The following TFEB variants were observed in gnomAD, a reference collection of about 807,000 sequenced individuals.
TFEB encodes the protein transcription factor EB, also known as T-cell transcription factor EB.
TFEB carries 12 observed loss-of-function variants against 48.0 expected under a neutral mutation model. The observed-to-expected ratio is 0.25, with a 90% CI of 0.16 to 0.40. The LOEUF (loss-of-function observed/expected upper bound fraction) is 0.40. TFEB is among the 10% of genes least tolerant of loss of function. The probability of loss-of-function intolerance (pLI) is 1.00; values close to 1 mark genes in which losing one functional copy is unlikely to be tolerated. For missense variants in TFEB, 509 were observed against 640.3 expected, an observed-to-expected ratio of 0.79 and a Z score of 2.21; for synonymous variants, 244 against 261.4, an observed-to-expected ratio of 0.93 and a Z score of 0.64.
At chr6:41,711,681 A>G (rs1770482824) in intron 1 of TFEB, among the ~76,000 whole-genome samples, 1 of 152,140 alleles carries the variant, frequency 6.6e-6, no homozygotes, top group Non-Finnish European at 1.5e-5. Flanking sequence ...AGAAGGGAGG[A>G]GCCCTTCAGC....
At chr6:41,715,419 T>C (rs1770692241) in intron 1 of TFEB, among the ~76,000 whole-genome samples, 1 of 152,124 alleles carries the variant, frequency 6.6e-6, no homozygotes, top group African/African-American at 2.4e-5. Flanking sequence ...CCTGTCATCC[T>C]AGCACTTTGG....
At position 41,723,347 on chromosome 6, in the gene TFEB, G is replaced by A. The variant is rs546623503; in HGVS notation, c.-23+12003C>T. The A allele has an allele frequency of 2.9e-4, 160 of 559,602 alleles. No individual in the cohort carries two copies. The highest frequency in any genetic ancestry group is 2.2e-3 in the South Asian group (141 of 63,944). The allele number at this position is 559,602 out of a possible 1,614,324, so 34.7% of individuals were successfully genotyped here. A position where few individuals can be genotyped will look rare whatever the true frequency, so the allele number is the denominator to read the frequency against. On this transcript the variant is annotated intron_variant, in intron 1 of 8. Transcript: ENST00000373033. The surrounding 1 kb of genome is among the most constrained non-coding windows in gnomAD (Gnocchi z 6.0). ...ACCCACCTCCCCAAAGACACCACAC[G>A]CATGCACATACACTCACACAGATGC...
At position 41,684,439 on chromosome 6, in the gene TFEB, C is replaced by A. The variant is rs1204961633; in HGVS notation, c.*160G>T. ...GTGCTTCTCCTGACCCCACAGGCTG[C>A]CAGACAGGCACTAAGTCCAAACAGG... is the stretch of plus-strand genomic sequence containing the variant. On this transcript the variant is annotated 3_prime_UTR_variant, in exon 9 of 9. Coordinates refer to ENST00000373033, the MANE Select transcript of TFEB (RefSeq NM_001271944.2). The A allele has an allele frequency of 1.1e-6, 1 of 908,674 alleles. No individual in the cohort carries two copies. Among genetic ancestry groups the A allele is most frequent in the Non-Finnish European group, 1.5e-6 (1 of 658,254 alleles). 56.3% of individuals were successfully genotyped at this position (908,674 alleles called of 1,614,324 possible).
chr6:41,691,117 A>G lies in TFEB; in HGVS notation c.97T>C (p.Tyr33His). 1 of 1,585,218 alleles carries G rather than the reference A, an allele frequency of 6.3e-7. No homozygotes were observed. ...ERMQQQAVMHYMQQQQQQQQQ... is the reference protein window; with the variant it reads ...ERMQQQAVMHHMQQQQQQQQQ... The stretch of plus-strand genomic sequence containing the variant: ...TGCTGCTGCTGCTGCTGCTGCATGT[A>G]ATGCATGACAGCCTGTTGCTGCATG... Residue 33 changes from tyrosine to histidine, a missense_variant, in exon 2 of 9, where the codon TAC becomes CAC. Around this residue, in one of 4 missense-constraint regions of TFEB, gnomAD observed 251 missense variants for 317.2 expected, o/e 0.79. Coordinates refer to ENST00000373033, the MANE Select transcript of TFEB (RefSeq NM_001271944.2). The surrounding 1 kb of genome is among the most constrained non-coding windows in gnomAD (Gnocchi z 5.2).
intron 1 of TFEB, among the ~76,000 whole-genome samples, chr6:41,710,080 C>T (rs78266392): frequency 0.012 from 1,772 of 152,272 alleles, 33 homozygotes; most frequent in African/African-American, 0.04. Context: ...AATTTATAAA[C>T]GAGAAAATAA....
intron 1 of TFEB, among the ~76,000 whole-genome samples, chr6:41,711,218 A>G (rs549932825): frequency 7.2e-5 from 11 of 152,186 alleles, no homozygotes; most frequent in Non-Finnish European, 1.3e-4. Context: ...TCATTTTACA[A>G]ATGAGAAACA....
Position 41,734,801 on chromosome 6 carries a change from G to C in TFEB, c.-23+549C>G. 1.4e-6 allele frequency: 1 copy of C among 703,318 alleles called. No homozygotes were observed. The highest frequency in any genetic ancestry group is 1.7e-6 in the Non-Finnish European group (1 of 572,678). The allele number at this position is 703,318 out of a possible 1,614,324, so 43.6% of individuals were successfully genotyped here. A position where few individuals can be genotyped will look rare whatever the true frequency, so the allele number is the denominator to read the frequency against. Reference sequence around the variant, plus strand: ...GGAGGGAGAGATGGTACTTCCACCCGCCCCCCCATCAGCCCAGCCCCCGGG... The same window carrying C: ...GGAGGGAGAGATGGTACTTCCACCCCCCCCCCCATCAGCCCAGCCCCCGGG... On this transcript the variant is annotated intron_variant, in intron 1 of 8. Coordinates refer to ENST00000373033, the MANE Select transcript of TFEB (RefSeq NM_001271944.2). This position sits in a 1 kb window ranked among gnomAD's most constrained non-coding sequence, Gnocchi z 4.0.
intron 1 of TFEB, among the ~76,000 whole-genome samples, chr6:41,709,356 C>T (rs72865446): frequency 9.4e-4 from 143 of 152,326 alleles, no homozygotes; most frequent in Admixed American, 1.2e-3. Flanking sequence ...GGACAATATC[C>T]ACCCTGGAGA....
rs760706046 is a variant in TFEB, at chr6:41,690,853, C to T, written c.278G>A (p.Arg93Gln). The T allele has an allele frequency of 6.2e-6, 10 of 1,611,078 alleles. No individual in the cohort carries two copies. Among genetic ancestry groups the T allele is most frequent in the Middle Eastern group, 3.3e-4 (2 of 6,076 alleles). The change falls in exon 3 of 9, where the codon CGG (arginine) becomes CAG (glutamine). Residue 93 changes from arginine (R) to glutamine (Q), a missense_variant. Arg to Gln is a conservative substitution (Grantham distance 43, BLOSUM62 1). Coordinates refer to ENST00000373033, the MANE Select transcript of TFEB (RefSeq NM_001271944.2). Reference sequence around the variant, plus strand: ...CCCATAGGTCTCGGACAGGTACTCCCGCACCTTCTGATGCTGCGACTGCTG... The same window carrying T: ...CCCATAGGTCTCGGACAGGTACTCCTGCACCTTCTGATGCTGCGACTGCTG... ...HLQQSQHQKV[R>Q]EYLSETYGNK...
chr6:41,729,418 T>G (rs1771361671), intron 1 of TFEB, among the ~76,000 whole-genome samples: 1 of 152,220 alleles, frequency 6.6e-6, no homozygotes, highest in Non-Finnish European at 1.5e-5. Flanking sequence ...CGATTCAAGC[T>G]GGAATCAAAT....
chr6:41,685,229 T>C (rs1423311498), intron 8 of TFEB, 151 bp from the exon 9 acceptor site: 3 of 1,066,378 alleles, frequency 2.8e-6, no homozygotes, highest in Admixed American at 7.9e-5. Context: ...AGGGTAGCTC[T>C]AGAGTCTAGA....
rs1185254116 is a variant in TFEB, at chr6:41,734,956, G to C, written c.-23+394C>G. Reference sequence around the variant, plus strand: ...AGCCGTGTCCGGTGGAGGGGGAGTGGGCGCGGGGCCCGCGCGTCCCTCAAA... The same window carrying C: ...AGCCGTGTCCGGTGGAGGGGGAGTGCGCGCGGGGCCCGCGCGTCCCTCAAA... On this transcript the variant is annotated intron_variant, in intron 1 of 8. Coordinates refer to ENST00000373033, the MANE Select transcript of TFEB (RefSeq NM_001271944.2). This position sits in a 1 kb window ranked among gnomAD's most constrained non-coding sequence, Gnocchi z 4.0. 9.1e-6 allele frequency: 9 copies of C among 985,324 alleles called. No homozygotes were observed. In the East Asian group the frequency reaches 1.0e-3, roughly 112 times the overall value. The allele number at this position is 985,324 out of a possible 1,614,324, so 61.0% of individuals were successfully genotyped here.
intron 6 of TFEB, 76 bp from the exon 7 acceptor site, chr6:41,687,245 CAG>C: frequency 6.9e-7 from 1 of 1,453,582 alleles, no homozygotes; most frequent in Admixed American, 1.7e-5. Context: ...GTACCCAGCC[CAG>C]GGAGGGGTGC....
Position 41,691,614 on chromosome 6 carries a change from T to C in TFEB, c.-22-379A>G. On this transcript the variant is annotated intron_variant, in intron 1 of 8. Transcript: ENST00000373033. This position sits in a 1 kb window ranked among gnomAD's most constrained non-coding sequence, Gnocchi z 5.2. ...GGCCCAGCCTATCCTGGGTCTTACC[T>C]GGAATCCCGCAGGAGTAGCCCAGTG... 1 of 423,794 alleles carries C rather than the reference T, an allele frequency of 2.4e-6. No individual in the cohort carries two copies. Among genetic ancestry groups the C allele is most frequent in the Non-Finnish European group, 4.5e-6 (1 of 224,348 alleles). 26.3% of individuals were successfully genotyped at this position (423,794 alleles called of 1,614,324 possible).
Position 41,684,641 on chromosome 6 carries a change from G to T in TFEB, c.1389C>A (p.Ser463Arg), listed in dbSNP as rs1236877222. 1 of 1,608,792 alleles carries T rather than the reference G, an allele frequency of 6.2e-7. No homozygotes were observed. Among genetic ancestry groups the T allele is most frequent in the Non-Finnish European group, 8.5e-7 (1 of 1,177,712 alleles). The change falls in exon 9 of 9, where the codon AGC (serine) becomes AGA (arginine). Residue 463 changes from serine (S) to arginine (R), a missense_variant. Around this residue, in one of 4 missense-constraint regions of TFEB, gnomAD observed 168 missense variants for 161.0 expected, o/e 1.04. Transcript: ENST00000373033. ...CCTCCATGCTGAAGCTGCTCCGGCG[G>T]CTGCTGGCCTTGGAGGCCTCGGGGG... Reference protein sequence around the residue: ...TMSPEASKASSRRSSFSMEEG... With the variant: ...TMSPEASKASRRRSSFSMEEG...
At chr6:41,695,436 A>G (rs1769527189) in intron 1 of TFEB, among the ~76,000 whole-genome samples, 1 of 152,214 alleles carries the variant, frequency 6.6e-6, no homozygotes, top group Non-Finnish European at 1.5e-5. Flanking sequence ...GGGCTGGTCA[A>G]TGTGCTTTTC....
At chr6:41,708,306 G>T (rs1403324690) in intron 1 of TFEB, among the ~76,000 whole-genome samples, 1 of 152,186 alleles carries the variant, frequency 6.6e-6, no homozygotes, top group South Asian at 2.1e-4. Context: ...AAGAGGGCTT[G>T]GCAGACCCCC....
At chr6:41,717,960 A>T (rs1446943938) in intron 1 of TFEB, among the ~76,000 whole-genome samples, 1 of 152,200 alleles carries the variant, frequency 6.6e-6, no homozygotes, top group African/African-American at 2.4e-5. Flanking sequence ...TATCATGACC[A>T]CATATTGGAG....
intron 1 of TFEB, among the ~76,000 whole-genome samples, chr6:41,731,358 A>G (rs1437952209): frequency 6.6e-6 from 1 of 152,016 alleles, no homozygotes; most frequent in Non-Finnish European, 1.5e-5. Context: ...AGTGCTCAAT[A>G]TATAGTGGCT....
Sources: allele counts gnomAD v4.1 joint callset (sites outside exome capture counted in the v4.1 genomes callset), GRCh38; gene constraint gnomAD v4.1.1; regional missense constraint gnomAD v4.1.1; non-coding constraint Gnocchi (gnomAD v3.1); transcripts MANE v1.5; gene names NCBI Gene and HGNC (gene_info 2026-07-23, HGNC 2026-07-21).